DAGLA: variants seen among roughly 807,000 people sequenced by gnomAD.
DAGLA encodes the protein diacylglycerol lipase alpha.
Under a neutral mutation model 102.6 loss-of-function variants are expected in DAGLA, and 22 were observed. That is an observed-to-expected ratio of 0.21 (90% CI 0.15 to 0.31). DAGLA has a LOEUF of 0.31. Among genes scored for constraint, DAGLA ranks in the 10% least tolerant of loss-of-function variants. The pLI, the probability that DAGLA is intolerant of heterozygous loss-of-function variation, is 1.00. For missense variants in DAGLA, 927 were observed against 1,446.6 expected, an observed-to-expected ratio of 0.64 and a Z score of 5.83; for synonymous variants, 578 against 628.9, an observed-to-expected ratio of 0.92 and a Z score of 1.21.
chr11:61,721,394 A>G (rs2065281332), intron 3 of DAGLA, among the ~76,000 whole-genome samples: 1 of 151,556 alleles, frequency 6.6e-6, no homozygotes, highest in Non-Finnish European at 1.5e-5. Context: ...TCTCCATCTC[A>G]AAAAAAAAGA....
intron 16 of DAGLA, among the ~76,000 whole-genome samples, chr11:61,738,459 A>C (rs1387239648): frequency 6.6e-6 from 1 of 152,140 alleles, no homozygotes; most frequent in East Asian, 1.9e-4. Flanking sequence ...CTCACATAAA[A>C]AGTTAGAACA....
At chr11:61,732,620 G>A (rs999392524) in intron 9 of DAGLA, among the ~76,000 whole-genome samples, 1 of 152,164 alleles carries the variant, frequency 6.6e-6, no homozygotes, top group Admixed American at 6.5e-5. Context: ...CAGACAGGAG[G>A]GGTGCTGGCA....
chr11:61,724,422 A>G (rs2065307778), intron 5 of DAGLA, among the ~76,000 whole-genome samples: 1 of 152,160 alleles, frequency 6.6e-6, no homozygotes, highest in Non-Finnish European at 1.5e-5. Flanking sequence ...GATCCATTCT[A>G]CAGATGAGGA....
At chr11:61,699,835 C>T (rs955659376) in intron 1 of DAGLA, among the ~76,000 whole-genome samples, 5 of 152,254 alleles carry the variant, frequency 3.3e-5, no homozygotes, top group African/African-American at 1.2e-4. Context: ...CATGGAGGCC[C>T]TCCGTGTTTG....
Position 61,744,264 on chromosome 11 carries a change from G to A in DAGLA, c.2904G>A (p.Leu968=), listed in dbSNP as rs1224249997. 2 of 1,612,884 alleles carry A rather than the reference G, an allele frequency of 1.2e-6. No individual in the cohort carries two copies. The highest frequency in any genetic ancestry group is 1.7e-5 in the Admixed American group (1 of 60,002). The part of the protein sequence containing the change: ...ILLRAQFEPN[L]VPKPPRLFAG... ...TCCGTGCCCAGTTCGAGCCCAACCT[G>A]GTGCCCAAGCCCCCACGGCTCTTTG... is the stretch of plus-strand genomic sequence containing the variant. The change falls in exon 20 of 20, where the codon CTG becomes CTA. Residue 968 remains leucine, a synonymous_variant. Coordinates refer to ENST00000257215, the MANE Select transcript of DAGLA (RefSeq NM_006133.3).
intron 10 of DAGLA, 54 bp from the exon 11 acceptor site, chr11:61,735,507 C>G: frequency 6.5e-7 from 1 of 1,543,250 alleles, no homozygotes; most frequent in Non-Finnish European, 8.9e-7. Flanking sequence ...GGTCACTTTC[C>G]CTGAGTGTGG....
chr11:61,716,684 G>A (rs1224447145), intron 1 of DAGLA, among the ~76,000 whole-genome samples: 3 of 152,180 alleles, frequency 2.0e-5, no homozygotes, highest in South Asian at 2.1e-4. Flanking sequence ...GCTGCCGCCC[G>A]AGGGGCTTGG....
chr11:61,704,519 GT>G (rs981658477), intron 1 of DAGLA, among the ~76,000 whole-genome samples: 2 of 152,132 alleles, frequency 1.3e-5, no homozygotes, highest in Non-Finnish European at 2.9e-5. Flanking sequence ...AGGAGTTCTG[GT>G]TTCTGTGACC....
At chr11:61,709,039 C>T (rs958918562) in intron 1 of DAGLA, among the ~76,000 whole-genome samples, 2 of 152,156 alleles carry the variant, frequency 1.3e-5, no homozygotes, top group South Asian at 2.1e-4. Flanking sequence ...TTCTGTGGCC[C>T]CTTTTGCCCT....
intron 1 of DAGLA, among the ~76,000 whole-genome samples, chr11:61,702,421 G>A (rs571955098): frequency 1.6e-4 from 25 of 152,330 alleles, no homozygotes; most frequent in Admixed American, 3.3e-4. Context: ...TTAAGGCTCC[G>A]AGTCTTCTGT....
intron 13 of DAGLA, among the ~76,000 whole-genome samples, chr11:61,736,589 A>G (rs910817477): frequency 3.3e-5 from 5 of 152,262 alleles, no homozygotes; most frequent in African/African-American, 1.2e-4. Context: ...CACTAGAGGC[A>G]CAAAGATGAT....
chr11:61,732,855 C>T (rs1198184629), intron 9 of DAGLA, among the ~76,000 whole-genome samples: 1 of 152,184 alleles, frequency 6.6e-6, no homozygotes, highest in African/African-American at 2.4e-5. Context: ...AGGCCTCTCC[C>T]CTGGCAGCAG....
rs778922557 is a variant in DAGLA at position 61,735,728 on chromosome 11, C to G, written c.1213-11C>G. 1.2e-6 allele frequency: 2 copies of G among 1,613,490 alleles called. No individual in the cohort carries two copies. The highest frequency in any genetic ancestry group is 2.2e-5 in the South Asian group (2 of 90,960). On this transcript the variant is annotated splice_polypyrimidine_tract_variant and intron_variant, in intron 11 of 19. Transcript: ENST00000257215. ...TTAGCCGCCCCCTCACCTGTCTCCTCTCTCCCCAAGGATGCCCTGACTGAC... is the reference window on the plus strand; with the variant it reads ...TTAGCCGCCCCCTCACCTGTCTCCTGTCTCCCCAAGGATGCCCTGACTGAC...
Position 61,734,979 on chromosome 11 carries a change from G to A in DAGLA, c.1105G>A (p.Val369Ile), listed in dbSNP as rs756690719. Residue 369 changes from valine to isoleucine, a missense_variant, in exon 10 of 20, where the codon GTC becomes ATC. By Grantham distance (29) the Val-to-Ile change is conservative (BLOSUM62 3). Around this residue, in one of 4 missense-constraint regions of DAGLA, gnomAD observed 218 missense variants for 459.6 expected, o/e 0.47. Transcript: ENST00000257215. The surrounding 1 kb of genome is among the most constrained non-coding windows in gnomAD (Gnocchi z 4.2). Reference sequence around the variant, plus strand: ...CGAGAACATGACTGCGGTGGACATCGTCTATACCTCCTGCCATGATGCGGT... The same window carrying A: ...CGAGAACATGACTGCGGTGGACATCATCTATACCTCCTGCCATGATGCGGT... ...LDENMTAVDI[V>I]YTSCHDAVYE... The A allele has an allele frequency of 1.2e-6, 2 of 1,613,842 alleles. No homozygotes were observed. The highest frequency in any genetic ancestry group is 1.3e-5 in the African/African-American group (1 of 75,052).
chr11:61,735,291 G>T (rs1364231693), intron 10 of DAGLA, among the ~76,000 whole-genome samples: 1 of 152,202 alleles, frequency 6.6e-6, no homozygotes, highest in African/African-American at 2.4e-5. Context: ...GCAGAAGCAG[G>T]GAGGGGCAGC....
intron 19 of DAGLA, among the ~76,000 whole-genome samples, chr11:61,743,060 GT>G (rs2065494579): frequency 6.6e-6 from 1 of 152,078 alleles, no homozygotes; most frequent in Non-Finnish European, 1.5e-5. Context: ...CTTGTGAGTT[GT>G]TTTTAAAAAA....
chr11:61,692,183 C>A (rs916724053), intron 1 of DAGLA, among the ~76,000 whole-genome samples: 1 of 152,170 alleles, frequency 6.6e-6, no homozygotes, highest in African/African-American at 2.4e-5. Context: ...GCCCACGTGG[C>A]CCATGAGCCG....
intron 1 of DAGLA, among the ~76,000 whole-genome samples, chr11:61,702,047 A>T (rs1172270672): frequency 6.6e-6 from 1 of 151,928 alleles, no homozygotes; most frequent in Non-Finnish European, 1.5e-5. Context: ...AGTAGCTGGG[A>T]CTATAAGCAT....
intron 1 of DAGLA, among the ~76,000 whole-genome samples, chr11:61,699,653 C>T (rs768492987): frequency 1.4e-4 from 21 of 152,362 alleles, no homozygotes; most frequent in South Asian, 1.2e-3. Context: ...TTCTTCCCTG[C>T]GCTGCTTCTG....
Sources: allele counts gnomAD v4.1 joint callset (sites outside exome capture counted in the v4.1 genomes callset), GRCh38; gene constraint gnomAD v4.1.1; regional missense constraint gnomAD v4.1.1; non-coding constraint Gnocchi (gnomAD v3.1); transcripts MANE v1.5; gene names NCBI Gene and HGNC (gene_info 2026-07-23, HGNC 2026-07-21).